Variants in SLC8A3 observed in about 807,000 individuals in gnomAD.
SLC8A3 encodes sodium/calcium exchanger 3.
SLC8A3 carries 37 observed loss-of-function variants against 65.4 expected under a neutral mutation model. The ratio of observed to expected loss-of-function variants is 0.57; its 90% CI spans 0.44 to 0.74. SLC8A3 has a LOEUF of 0.74. Ranked by LOEUF, SLC8A3 falls within the 30% of genes least tolerant of loss-of-function variation. The pLI is 0.00. For missense variants in SLC8A3, 1,112 were observed against 1,172.1 expected, an observed-to-expected ratio of 0.95 and a Z score of 0.75; for synonymous variants, 461 against 444.5, an observed-to-expected ratio of 1.04 and a Z score of -0.47.
At chr14:70,125,661 T>C (rs1894394243) in intron 2 of SLC8A3, among the ~76,000 whole-genome samples, 1 of 152,226 alleles carries the variant, frequency 6.6e-6, no homozygotes, top group Admixed American at 6.5e-5. Flanking sequence ...ATCTTTTTTA[T>C]ATAATAATTT....
intron 2 of SLC8A3, among the ~76,000 whole-genome samples, chr14:70,103,352 A>G (rs1892656150): frequency 6.6e-6 from 1 of 152,114 alleles, no homozygotes; most frequent in South Asian, 2.1e-4. Flanking sequence ...GAATGAAAAG[A>G]AAGCAGAACT....
chr14:70,140,616 A>G (rs763235671), intron 2 of SLC8A3, among the ~76,000 whole-genome samples: 3 of 152,198 alleles, frequency 2.0e-5, no homozygotes, highest in African/African-American at 4.8e-5. Context: ...CCTCTGTAAA[A>G]TAGTAATAGT....
At chr14:70,187,624 TG>T (rs1566843431) in intron 1 of SLC8A3, among the ~76,000 whole-genome samples, 4 of 130,938 alleles carry the variant, frequency 3.1e-5, no homozygotes, top group East Asian at 4.2e-4. Flanking sequence ...TGTGTGTGTG[TG>T]TGTGTGTGTG....
rs182600884 is a variant in SLC8A3 at position 70,183,017 on chromosome 14, C to T, written c.-63+5362G>A. On this transcript the variant is annotated intron_variant, in intron 1 of 6. Coordinates refer to ENST00000356921, the MANE Select transcript of SLC8A3 (RefSeq NM_182932.3). ...TCAGGGTGCAAAGGAAGAATGCTGA[C>T]GAAGCTCACACTGTTTGGTTTCATT... Among the ~76,000 whole-genome samples, 10 of 152,300 alleles carry T rather than the reference C, an allele frequency of 6.6e-5. No individual in the cohort carries two copies. The East Asian group carries it at 1.7e-3, about 26-fold the overall frequency.
chr14:70,048,906 G>A lies in SLC8A3; in HGVS notation c.2250C>T (p.Ala750=). The A allele has an allele frequency of 1.2e-6, 2 of 1,614,208 alleles. No individual in the cohort carries two copies. Among genetic ancestry groups the A allele is most frequent in the African/African-American group, 1.3e-5 (1 of 75,058 alleles). The change falls in exon 6 of 7, where the codon GCC becomes GCT. Residue 750 remains alanine, a synonymous_variant. Transcript: ENST00000356921. ...VPPTEYCHGW[A]CFAVSILIIG... Reference sequence around the variant, plus strand: ...TGATGAGGATGGAGACGGCGAAGCAGGCCCAGCCGTGGCAGTACTCTGTGG... The same window carrying A: ...TGATGAGGATGGAGACGGCGAAGCAAGCCCAGCCGTGGCAGTACTCTGTGG...
chr14:70,118,224 A>G (rs535054195), intron 2 of SLC8A3, among the ~76,000 whole-genome samples: 1 of 152,328 alleles, frequency 6.6e-6, no homozygotes, highest in African/African-American at 2.4e-5. Flanking sequence ...GAACCATGGG[A>G]AAAATGCCAG....
At chr14:70,150,104 G>C (rs1348783944) in intron 2 of SLC8A3, among the ~76,000 whole-genome samples, 1 of 152,160 alleles carries the variant, frequency 6.6e-6, no homozygotes, top group African/African-American at 2.4e-5. Flanking sequence ...GCCCAGATAG[G>C]TCAAATGGCT....
intron 2 of SLC8A3, among the ~76,000 whole-genome samples, chr14:70,078,506 G>A (rs1241867218): frequency 1.3e-5 from 2 of 152,096 alleles, no homozygotes; most frequent in Non-Finnish European, 2.9e-5. Flanking sequence ...CAGGTAGTTT[G>A]GAAAGCTTTG....
intron 2 of SLC8A3, among the ~76,000 whole-genome samples, chr14:70,096,367 G>C (rs1289271737): frequency 6.6e-6 from 1 of 152,202 alleles, no homozygotes; most frequent in East Asian, 1.9e-4. Context: ...TTCTTGGGCT[G>C]AAGAGGGTGT....
chr14:70,086,087 T>A (rs182092259), intron 2 of SLC8A3, among the ~76,000 whole-genome samples: 286 of 152,294 alleles, frequency 1.9e-3, no homozygotes, highest in Non-Finnish European at 3.1e-3. Context: ...CACCTCCGAG[T>A]CTCTCTCTGG....
chr14:70,183,890 C>T (rs1481373626), intron 1 of SLC8A3, among the ~76,000 whole-genome samples: 3 of 152,214 alleles, frequency 2.0e-5, no homozygotes, highest in Non-Finnish European at 4.4e-5. Context: ...CTCACTGCAA[C>T]CTTGGCATTA....
intron 2 of SLC8A3, among the ~76,000 whole-genome samples, chr14:70,108,812 C>T (rs1324633396): frequency 6.6e-6 from 1 of 152,244 alleles, no homozygotes; most frequent in Non-Finnish European, 1.5e-5. Flanking sequence ...TTCCCTGCCT[C>T]TCCGCCCTAG....
At chr14:70,110,259 G>A (rs1893188699) in intron 2 of SLC8A3, among the ~76,000 whole-genome samples, 1 of 152,076 alleles carries the variant, frequency 6.6e-6, no homozygotes, top group African/African-American at 2.4e-5. Context: ...TAGTCACCCT[G>A]ATGTGCTATC....
chr14:70,089,457 A>T (rs1884869779), intron 2 of SLC8A3, among the ~76,000 whole-genome samples: 1 of 152,250 alleles, frequency 6.6e-6, no homozygotes, highest in South Asian at 2.1e-4. Flanking sequence ...GGGAAGTAAG[A>T]CAAAGTAAAA....
intron 2 of SLC8A3, among the ~76,000 whole-genome samples, chr14:70,137,703 C>G (rs1450752533): frequency 2.0e-5 from 3 of 151,110 alleles, no homozygotes; most frequent in African/African-American, 7.3e-5. Context: ...GCTTTCTCCT[C>G]TATTTCAAGG....
In SLC8A3 at chr14:70,167,401, T is replaced by C. The variant is rs1897239765; in HGVS notation, c.1022A>G (p.Tyr341Cys). 6.2e-7 allele frequency: 1 copy of C among 1,614,172 alleles called. No individual in the cohort carries two copies. Among genetic ancestry groups the C allele is most frequent in the Non-Finnish European group, 8.5e-7 (1 of 1,180,028 alleles). The change falls in exon 2 of 7, where the codon TAC (tyrosine) becomes TGC (cysteine). Residue 341 changes from tyrosine to cysteine, a missense_variant. Tyr to Cys is a radical substitution (Grantham distance 194). Transcript: ENST00000356921. ...CTTCTGTTGGTGGGAAAGAGCATAG[T>C]AATTGGCCATCTCCACCAGCTGATC... ...DLDQLVEMAN[Y>C]YALSHQQKSR...
chr14:70,053,850 T>A (rs994310791), intron 3 of SLC8A3, among the ~76,000 whole-genome samples: 7 of 152,242 alleles, frequency 4.6e-5, no homozygotes, highest in African/African-American at 1.7e-4. Flanking sequence ...TTTAAGTTAA[T>A]TCTAGTTTCT....
At chr14:70,057,900 G>C (rs1386196726) in intron 3 of SLC8A3, among the ~76,000 whole-genome samples, 1 of 152,176 alleles carries the variant, frequency 6.6e-6, no homozygotes, top group Non-Finnish European at 1.5e-5. Flanking sequence ...GAGAGAGAGA[G>C]AGACAGAGAG....
chr14:70,069,562 C>A (rs1889808385), intron 2 of SLC8A3, among the ~76,000 whole-genome samples: 2 of 152,190 alleles, frequency 1.3e-5, no homozygotes, highest in South Asian at 4.1e-4. Flanking sequence ...CATCTCTTAG[C>A]TGGGTTCTTC....
Sources: gnomAD v4.1 joint callset for allele counts (sites outside exome capture counted in the v4.1 genomes callset) on GRCh38, gnomAD v4.1.1 for gene constraint, MANE v1.5 for transcripts, NCBI Gene and HGNC (gene_info 2026-07-23, HGNC 2026-07-21) for gene names.